BACH2: variants seen among roughly 807,000 people sequenced by gnomAD.
BACH2 encodes the protein transcription regulator protein BACH2.
Under a neutral mutation model 61.8 loss-of-function variants are expected in BACH2, and 5 were observed. The ratio of observed to expected loss-of-function variants is 0.08; its 90% CI spans 0.04 to 0.17. The LOEUF (loss-of-function observed/expected upper bound fraction) is 0.17. BACH2 is among the 10% of genes least tolerant of loss of function. BACH2 has a pLI of 1.00. For synonymous variants in BACH2, 446 were observed against 440.1 expected, an observed-to-expected ratio of 1.01 and a Z score of -0.17; for missense variants, 824 against 1,091.1, an observed-to-expected ratio of 0.76 and a Z score of 3.45.
Position 90,187,941 on chromosome 6 carries a change from C to G in BACH2, c.-162+18628G>C, listed in dbSNP as rs574931023. Among the ~76,000 whole-genome samples, 16 of 152,294 alleles carry G rather than the reference C, an allele frequency of 1.1e-4. No individual in the cohort carries two copies. The East Asian group carries it at 3.1e-3, about 29-fold the overall frequency. On this transcript the variant is annotated intron_variant, in intron 4 of 8. Transcript: ENST00000257749. Reference sequence around the variant, plus strand: ...AGGAGCAGCAAAGCTCCCAGAAGAGCACAAGTGCCCCAGTGCTGAGGCTAC... The same window carrying G: ...AGGAGCAGCAAAGCTCCCAGAAGAGGACAAGTGCCCCAGTGCTGAGGCTAC...
At chr6:90,099,389 A>ATT (rs3072648) in intron 4 of BACH2, among the ~76,000 whole-genome samples, 28,320 of 151,724 alleles carry the variant, frequency 0.19, 6,021 homozygotes, top group African/African-American at 0.52. Context: ...CTTTTGTTTT[A>ATT]TTTTTTTTAG....
chr6:89,937,291 T>C (rs1773082212), intron 8 of BACH2, among the ~76,000 whole-genome samples: 1 of 152,112 alleles, frequency 6.6e-6, no homozygotes, highest in South Asian at 2.1e-4. Context: ...CATTCTCTTC[T>C]GCCAGGAGGC....
At chr6:90,239,305 T>A (rs1308508895) in intron 3 of BACH2, among the ~76,000 whole-genome samples, 4 of 152,066 alleles carry the variant, frequency 2.6e-5, no homozygotes, top group Non-Finnish European at 5.9e-5. Flanking sequence ...AGGACCTCAA[T>A]CCCCTTAAAA....
intron 6 of BACH2, among the ~76,000 whole-genome samples, chr6:89,984,068 A>G (rs1462948541): frequency 6.6e-6 from 1 of 152,190 alleles, no homozygotes; most frequent in African/African-American, 2.4e-5. Context: ...AAGCCCTTCA[A>G]GCATGGCATT....
chr6:90,117,463 CT>C (rs3072652), intron 4 of BACH2, among the ~76,000 whole-genome samples: 1,782 of 141,570 alleles, frequency 0.013, 44 homozygotes, highest in African/African-American at 0.042. Flanking sequence ...GTTAGCTTGA[CT>C]TTTTTTTTTT....
chr6:90,148,689 CACACACACACACACGCAT>C (rs1784704720), intron 4 of BACH2, among the ~76,000 whole-genome samples: 1 of 142,916 alleles, frequency 7.0e-6, no homozygotes, highest in Non-Finnish European at 1.5e-5. Context: ...GTCTGTTTTA[CACACACACACACACGCAT>C]ACACGCACAC....
intron 6 of BACH2, among the ~76,000 whole-genome samples, chr6:89,983,526 G>A (rs1023221500): frequency 8.6e-5 from 13 of 152,024 alleles, no homozygotes; most frequent in African/African-American, 1.9e-4. Context: ...AAAATTAGCC[G>A]GGTGTGGTGG....
At chr6:90,079,914 C>A (rs532584432) in intron 5 of BACH2, among the ~76,000 whole-genome samples, 2 of 151,294 alleles carry the variant, frequency 1.3e-5, no homozygotes, top group South Asian at 2.1e-4. Flanking sequence ...TTTGTACTTT[C>A]ATTTTTTTTT....
At chr6:90,193,633 A>G (rs1171116727) in intron 4 of BACH2, among the ~76,000 whole-genome samples, 1 of 152,200 alleles carries the variant, frequency 6.6e-6, no homozygotes. Flanking sequence ...TGAGTTCAGG[A>G]TTCCTGAATC....
intron 5 of BACH2, among the ~76,000 whole-genome samples, chr6:90,062,277 G>A (rs562398962): frequency 6.6e-6 from 1 of 152,164 alleles, no homozygotes; most frequent in Non-Finnish European, 1.5e-5. Context: ...TTCTCATGAG[G>A]TCTACTCCAC....
intron 4 of BACH2, among the ~76,000 whole-genome samples, chr6:90,164,621 T>C (rs1455340334): frequency 6.6e-6 from 1 of 152,130 alleles, no homozygotes; most frequent in Non-Finnish European, 1.5e-5. Flanking sequence ...AAAAGAGAAT[T>C]TTAGACCAAT....
rs533883800 is a variant in BACH2 at position 90,219,650 on chromosome 6, T to C, written c.-274-12969A>G. Among the ~76,000 whole-genome samples, 5 of 152,326 alleles carry C rather than the reference T, an allele frequency of 3.3e-5. No homozygotes were observed. In the South Asian group the frequency reaches 1.0e-3, roughly 32 times the overall value. On this transcript the variant is annotated intron_variant, in intron 3 of 8. Transcript: ENST00000257749. ...CGCGGAATCTGTACAAGTCGGGCTC[T>C]ACCCCTTCCTCATCTACTGAGTGCT...
intron 6 of BACH2, among the ~76,000 whole-genome samples, chr6:89,987,514 T>C (rs1776308221): frequency 6.6e-6 from 1 of 152,154 alleles, no homozygotes; most frequent in East Asian, 1.9e-4. Context: ...AAGAGTTGCC[T>C]TCAGAGAGCT....
chr6:90,187,887 G>C (rs1190164648), intron 4 of BACH2, among the ~76,000 whole-genome samples: 1 of 152,202 alleles, frequency 6.6e-6, no homozygotes, highest in Non-Finnish European at 1.5e-5. Context: ...TGGAGAGGCA[G>C]AGGAACTCTG....
chr6:90,290,337 T>A (rs1303809134), intron 1 of BACH2, among the ~76,000 whole-genome samples: 1 of 152,200 alleles, frequency 6.6e-6, no homozygotes, highest in African/African-American at 2.4e-5. Flanking sequence ...AACTGATCAG[T>A]GCCATTCTTC....
At chr6:89,934,747 C>G (rs956193142) in intron 8 of BACH2, among the ~76,000 whole-genome samples, 23 of 152,004 alleles carry the variant, frequency 1.5e-4, no homozygotes, top group Non-Finnish European at 2.8e-4. Context: ...AGAAAAGGGG[C>G]ATCTGAAGCA....
At chr6:90,109,455 C>T (rs1205931348) in intron 4 of BACH2, among the ~76,000 whole-genome samples, 5 of 152,084 alleles carry the variant, frequency 3.3e-5, no homozygotes, top group South Asian at 4.2e-4. Context: ...GCTCCATCCA[C>T]GGACTTTCTC....
At chr6:90,103,090 C>G (rs1005347900) in intron 4 of BACH2, among the ~76,000 whole-genome samples, 1 of 115,556 alleles carries the variant, frequency 8.7e-6, no homozygotes, top group Non-Finnish European at 1.7e-5. Flanking sequence ...AAACTGATTT[C>G]TAGCCAGCAT....
intron 5 of BACH2, among the ~76,000 whole-genome samples, chr6:90,032,672 G>A (rs1325072177): frequency 7.9e-5 from 12 of 151,986 alleles, no homozygotes; most frequent in African/African-American, 2.2e-4. Flanking sequence ...ATCTCACATT[G>A]GTTAGAATGG....
Sources: gnomAD v4.1 joint callset for allele counts (sites outside exome capture counted in the v4.1 genomes callset) on GRCh38, gnomAD v4.1.1 for gene constraint, MANE v1.5 for transcripts, NCBI Gene and HGNC (gene_info 2026-07-23, HGNC 2026-07-21) for gene names.